ROBO2: variants seen among roughly 807,000 people sequenced by gnomAD.
The protein encoded by ROBO2 is roundabout guidance receptor 2, also known as roundabout homolog 2.
ROBO2 carries 53 observed loss-of-function variants against 160.8 expected under a neutral mutation model. The ratio of observed to expected loss-of-function variants is 0.33; its 90% CI spans 0.26 to 0.41. The LOEUF is 0.41. ROBO2 is among the 10% of genes least tolerant of loss of function. ROBO2 has a pLI of 1.00. For synonymous variants in ROBO2, 664 were observed against 611.7 expected, an observed-to-expected ratio of 1.09 and a Z score of -1.26; for missense variants, 1,577 against 1,722.4, an observed-to-expected ratio of 0.92 and a Z score of 1.49.
chr3:76,868,678 A>G (rs1440699965), intron 2 of ROBO2, among the ~76,000 whole-genome samples: 1 of 152,170 alleles, frequency 6.6e-6, no homozygotes, highest in Non-Finnish European at 1.5e-5. Context: ...ATTAACAATA[A>G]CACAACAGGA....
At chr3:76,852,830 A>G (rs191057694) in intron 2 of ROBO2, among the ~76,000 whole-genome samples, 1 of 151,204 alleles carries the variant, frequency 6.6e-6, no homozygotes, top group East Asian at 1.9e-4. Flanking sequence ...TGGTACATTC[A>G]CTGTTATATA....
At chr3:77,164,693 G>C (rs2078850121) in intron 2 of ROBO2, among the ~76,000 whole-genome samples, 1 of 100,182 alleles carries the variant, frequency 1.0e-5, no homozygotes, top group Non-Finnish European at 2.1e-5. Flanking sequence ...GGCCAGCCGT[G>C]CTGTCCGGGA....
At chr3:76,897,802 C>T (rs935383406) in intron 2 of ROBO2, among the ~76,000 whole-genome samples, 2 of 150,158 alleles carry the variant, frequency 1.3e-5, no homozygotes, top group Non-Finnish European at 3.0e-5. Flanking sequence ...TACATGGAAA[C>T]TTTCTCTTCA....
At chr3:76,621,389 A>T (rs960696113) in intron 2 of ROBO2, among the ~76,000 whole-genome samples, 1 of 152,216 alleles carries the variant, frequency 6.6e-6, no homozygotes, top group Non-Finnish European at 1.5e-5. Context: ...GCTTTGCATT[A>T]TGTGCTGAAA....
At chr3:76,907,823 G>GGTGTGTGTGTGTGTGT (rs71104638) in intron 2 of ROBO2, among the ~76,000 whole-genome samples, 3,809 of 145,446 alleles carry the variant, frequency 0.026, 101 homozygotes, top group African/African-American at 0.061. Flanking sequence ...GTTTGTTTGG[G>GGTGTGTGTGTGTGTGT]GTGTGTGTGT....
At chr3:77,501,872 C>A (rs949944399) in intron 5 of ROBO2, among the ~76,000 whole-genome samples, 7 of 152,046 alleles carry the variant, frequency 4.6e-5, no homozygotes, top group Non-Finnish European at 8.8e-5. Flanking sequence ...TTGTTCTTGA[C>A]CCTGAATGCT....
At chr3:77,565,108 G>T (rs2093441191) in exon 12 of ROBO2, 1 of 1,613,444 alleles carries the variant, frequency 6.2e-7, no homozygotes, top group African/African-American at 1.3e-5. Flanking sequence ...GTCAGATCCT[G>T]TGCGCACACA....
At chr3:77,495,764 G>T (rs1284308979) in intron 5 of ROBO2, among the ~76,000 whole-genome samples, 1 of 152,100 alleles carries the variant, frequency 6.6e-6, no homozygotes, top group Non-Finnish European at 1.5e-5. Flanking sequence ...TAACAGCACT[G>T]GCCACCCTGT....
chr3:77,107,153 A>C (rs1196674416), intron 2 of ROBO2, among the ~76,000 whole-genome samples: 1 of 152,220 alleles, frequency 6.6e-6, no homozygotes, highest in Non-Finnish European at 1.5e-5. Context: ...TCACAAGGTG[A>C]AAGGCACTAA....
chr3:76,837,686 A>G (rs2067832039), intron 2 of ROBO2, among the ~76,000 whole-genome samples: 1 of 151,840 alleles, frequency 6.6e-6, no homozygotes, highest in Non-Finnish European at 1.5e-5. Flanking sequence ...GCAGCTTGCA[A>G]ACAGCAAATC....
At chr3:76,514,620 G>T (rs1337430394) in intron 2 of ROBO2, among the ~76,000 whole-genome samples, 1 of 152,032 alleles carries the variant, frequency 6.6e-6, no homozygotes, top group Non-Finnish European at 1.5e-5. Context: ...GATTATTGTT[G>T]TTGAGGCCTT....
chr3:77,522,927 T>C, intron 6 of ROBO2, 25 bp downstream of exon 6: 1 of 1,608,112 alleles, frequency 6.2e-7, no homozygotes, highest in Non-Finnish European at 8.5e-7. Context: ...ATGTCAAAGA[T>C]AATTGAACCA....
chr3:76,506,338 C>G (rs1297651040), intron 2 of ROBO2, among the ~76,000 whole-genome samples: 1 of 152,110 alleles, frequency 6.6e-6, no homozygotes, highest in Non-Finnish European at 1.5e-5. Context: ...GCATTTTGAC[C>G]TCTACCTAAT....
chr3:76,344,099 T>A (rs997495588), intron 2 of ROBO2, among the ~76,000 whole-genome samples: 2 of 152,152 alleles, frequency 1.3e-5, no homozygotes, highest in African/African-American at 4.8e-5. Flanking sequence ...AGTAAATTCT[T>A]AAACTTTAAA....
At chr3:76,617,257 A>C (rs1486432121) in intron 2 of ROBO2, among the ~76,000 whole-genome samples, 3 of 140,816 alleles carry the variant, frequency 2.1e-5, no homozygotes, top group Non-Finnish European at 4.6e-5. Context: ...GACTAACCCA[A>C]GCCTAGTAAG....
chr3:76,892,647 C>A (rs1049456103), intron 2 of ROBO2, among the ~76,000 whole-genome samples: 33 of 152,044 alleles, frequency 2.2e-4, no homozygotes, highest in Non-Finnish European at 4.4e-5. Flanking sequence ...ACATATCTAC[C>A]AAAAATACAA....
intron 2 of ROBO2, among the ~76,000 whole-genome samples, chr3:76,683,503 C>T (rs1049495186): frequency 1.4e-5 from 2 of 147,274 alleles, no homozygotes; most frequent in Non-Finnish European, 3.0e-5. Flanking sequence ...ATGCATGTGT[C>T]ATCTGGTGTC....
intron 2 of ROBO2, among the ~76,000 whole-genome samples, chr3:76,443,970 T>C (rs1231288285): frequency 6.6e-6 from 1 of 151,690 alleles, no homozygotes. Flanking sequence ...AAAATATCAT[T>C]ATTATTATTA....
intron 2 of ROBO2, among the ~76,000 whole-genome samples, chr3:77,269,121 T>C (rs2059323631): frequency 9.3e-6 from 1 of 107,710 alleles, no homozygotes; most frequent in Non-Finnish European, 2.3e-5. Context: ...TCATAATTTT[T>C]TTTTCCTAAT....
Sources: gnomAD v4.1 joint callset for allele counts (sites outside exome capture counted in the v4.1 genomes callset) on GRCh38, gnomAD v4.1.1 for gene constraint, MANE v1.5 for transcripts, NCBI Gene and HGNC (gene_info 2026-07-23, HGNC 2026-07-21) for gene names.